CROCC2: variants seen among roughly 807,000 people sequenced by gnomAD.
The protein encoded by CROCC2 is ciliary rootlet coiled-coil protein 2.
A neutral mutation model predicts 177.6 loss-of-function variants in CROCC2; 163 were observed. The ratio of observed to expected loss-of-function variants is 0.92; its 90% confidence interval spans 0.81 to 1.05. The LOEUF is 1.05. CROCC2 is among the 50% of genes least tolerant of loss of function. The pLI, the probability that CROCC2 is intolerant of heterozygous loss-of-function variation, is 0.00. For missense variants in CROCC2, 1,929 were observed against 1,797.8 expected, an observed-to-expected ratio of 1.07 and a Z score of -1.32; for synonymous variants, 904 against 787.3, an observed-to-expected ratio of 1.15 and a Z score of -2.48.
Position 240,932,370 on chromosome 2 carries a change from A to G in CROCC2, c.1000A>G (p.Lys334Glu), listed in dbSNP as rs563073878. ...GAAGCTTACAGAGCAGAATGAGCAG[A>G]AGGCGAAGACCATCGCTGCCCTCAG... is the stretch of plus-strand genomic sequence containing the variant. ...VEKLTEQNEQ[K>E]AKTIAALRTD... The change falls in exon 8 of 32, where the codon AAG becomes GAG. Residue 334 changes from lysine (K) to glutamate (E), a missense_variant. Coordinates refer to ENST00000690015, the MANE Select transcript of CROCC2 (RefSeq NM_001351305.2). 8.9e-5 allele frequency: 64 copies of G among 717,476 alleles called. 1 individual carries two copies. The South Asian group carries it at 9.2e-4, about 10-fold the overall frequency. The allele number at this position is 717,476 out of a possible 1,614,324, so 44.4% of individuals were successfully genotyped here. A position where few individuals can be genotyped will look rare whatever the true frequency, so the allele number is the denominator to read the frequency against.
At chr2:240,907,361 C>A (rs4588186) in intron 1 of CROCC2, among the ~76,000 whole-genome samples, 2 of 151,868 alleles carry the variant, frequency 1.3e-5, no homozygotes, top group Admixed American at 6.6e-5. Context: ...CTCGGATATC[C>A]CTCCTCCCTG....
rs2059810761 is a variant in CROCC2 at position 240,982,900 on chromosome 2, C to T, written c.4422C>T (p.Arg1474=). The T allele has an allele frequency of 1.9e-6, 3 of 1,549,494 alleles. No individual in the cohort carries two copies. In the Middle Eastern group the frequency reaches 5.2e-4, roughly 267 times the overall value. ...CCCAGGAGCAACTGGAAACGCTGCG[C>T]CAGGCTCTTGAAGAGAGCAGGAGGC... ...RRLQEQLETL[R]QALEESRRHS... is the part of the protein sequence containing the mutation. Residue 1474 remains arginine, a synonymous_variant, in exon 28 of 32, where the codon CGC becomes CGT. Transcript: ENST00000690015. This position sits in a 1 kb window ranked among gnomAD's most constrained non-coding sequence, Gnocchi z 4.7.
rs1574777369 is a variant in CROCC2 at position 240,958,819 on chromosome 2, T to C, written c.2944-482T>C. Among the ~76,000 whole-genome samples the C allele has an allele frequency of 6.6e-6, 1 of 151,662 alleles. No homozygotes were observed. The highest frequency in any genetic ancestry group is 1.5e-5 in the Non-Finnish European group (1 of 67,824). ...GGCCTGGGGCTTGGGGTGAAGAAGG[T>C]GGTATTTGTCCATGAACAAGGGGCC... On this transcript the variant is annotated intron_variant, in intron 19 of 31. Coordinates refer to ENST00000690015, the MANE Select transcript of CROCC2 (RefSeq NM_001351305.2). This position sits in a 1 kb window ranked among gnomAD's most constrained non-coding sequence, Gnocchi z 6.7.
At chr2:240,934,505 C>T in intron 12 of CROCC2, 30 bp downstream of exon 12, 1 of 1,535,458 alleles carries the variant, frequency 6.5e-7, no homozygotes, top group South Asian at 1.2e-5. Context: ...ACCCCGCCCC[C>T]TCTCCTGTCT....
At chr2:240,907,077 G>A (rs2059259861) in intron 1 of CROCC2, among the ~76,000 whole-genome samples, 1 of 152,190 alleles carries the variant, frequency 6.6e-6, no homozygotes, top group South Asian at 2.1e-4. Flanking sequence ...TGGGCAGGCA[G>A]CCCTTGGTGC....
Position 240,958,489 on chromosome 2 carries a change from C to T in CROCC2, c.2944-812C>T, listed in dbSNP as rs769909770. The T allele has an allele frequency of 3.9e-5, 33 of 841,638 alleles. No homozygotes were observed. The highest frequency in any genetic ancestry group is 4.6e-5 in the Non-Finnish European group (32 of 698,306). 52.1% of individuals were successfully genotyped at this position (841,638 alleles called of 1,614,324 possible). ...GAATCCAGGTGGACAGGAGGGGCTC[C>T]AGAGATCTGGCACAGGGGCAGCCAT... On this transcript the variant is annotated intron_variant, in intron 19 of 31. Coordinates refer to ENST00000690015, the MANE Select transcript of CROCC2 (RefSeq NM_001351305.2). This position sits in a 1 kb window ranked among gnomAD's most constrained non-coding sequence, Gnocchi z 6.7.
At chr2:240,925,607 G>C in intron 4 of CROCC2, 117 bp from the exon 5 acceptor site, 1 of 612,654 alleles carries the variant, frequency 1.6e-6, no homozygotes, top group Admixed American at 3.0e-5. Flanking sequence ...CTGAGCCCAG[G>C]TCAGTTAGGC....
intron 15 of CROCC2, among the ~76,000 whole-genome samples, chr2:240,947,771 C>T (rs1378387175): frequency 6.6e-6 from 1 of 152,178 alleles, no homozygotes; most frequent in African/African-American, 2.4e-5. Flanking sequence ...TGCTCCCTCC[C>T]TTCATGGAGT....
rs545363847 is a variant in CROCC2 at position 240,958,846 on chromosome 2, T to C, written c.2944-455T>C. On this transcript the variant is annotated intron_variant, in intron 19 of 31. Coordinates refer to ENST00000690015, the MANE Select transcript of CROCC2 (RefSeq NM_001351305.2). This position sits in a 1 kb window ranked among gnomAD's most constrained non-coding sequence, Gnocchi z 6.7. ...GTATTTGTCCATGAACAAGGGGCCATGGGCTGAGCCTGGGGCCTCCTGGCC... is the reference window on the plus strand; with the variant it reads ...GTATTTGTCCATGAACAAGGGGCCACGGGCTGAGCCTGGGGCCTCCTGGCC... Among the ~76,000 whole-genome samples the C allele has an allele frequency of 5.3e-5, 8 of 152,278 alleles. 1 individual carries two copies. In the South Asian group the frequency reaches 1.2e-3, roughly 24 times the overall value.
chr2:240,990,526 A>G lies in CROCC2; in HGVS notation c.4864-670A>G, dbSNP rs145034959. ...CCAACCACCAAGGCACTTTTGCTAA[A>G]TTTATTAGCAAAAGGACATTTATTT... On this transcript the variant is annotated intron_variant, in intron 30 of 31. Coordinates refer to ENST00000690015, the MANE Select transcript of CROCC2 (RefSeq NM_001351305.2). 1.5e-4 allele frequency among the ~76,000 whole-genome samples: 23 copies of G among 152,294 alleles called. No individual in the cohort carries two copies. The East Asian group carries it at 4.2e-3, about 28-fold the overall frequency.
chr2:240,911,152 T>A (rs1242761043), intron 1 of CROCC2, among the ~76,000 whole-genome samples: 1 of 152,146 alleles, frequency 6.6e-6, no homozygotes, highest in African/African-American at 2.4e-5. Flanking sequence ...AATAAATTTT[T>A]AAAAAAATTT....
intron 1 of CROCC2, among the ~76,000 whole-genome samples, chr2:240,910,959 C>T (rs1294501202): frequency 7.9e-5 from 12 of 151,988 alleles, no homozygotes; most frequent in East Asian, 3.9e-4. Context: ...GGTGAAACCC[C>T]GTCTCTACTG....
At position 240,935,276 on chromosome 2, in the gene CROCC2, C is replaced by T. The variant is rs569653297; in HGVS notation, c.1939-82C>T. Reference sequence around the variant, plus strand: ...GCCTGAGGGAGGGAAGACAGTGCCCCGGGGCAGGCCTTGGGGATGGCTGGC... The same window carrying T: ...GCCTGAGGGAGGGAAGACAGTGCCCTGGGGCAGGCCTTGGGGATGGCTGGC... On this transcript the variant is annotated intron_variant, in intron 13 of 31. Transcript: ENST00000690015. The T allele has an allele frequency of 5.3e-5, 68 of 1,273,892 alleles. 1 individual carries two copies. Among genetic ancestry groups the T allele is most frequent in the South Asian group, 1.6e-4 (6 of 38,552 alleles). The allele number at this position is 1,273,892 out of a possible 1,614,324, so 78.9% of individuals were successfully genotyped here.
chr2:240,958,668 CT>C lies in CROCC2; in HGVS notation c.2944-631del. Reference sequence around the variant, plus strand: ...GCCTGAGCAGGGCAGGGCTCGGACCCTTCATGTTGAGGACACTGAGGCCCAG... The same window carrying C: ...GCCTGAGCAGGGCAGGGCTCGGACCCTCATGTTGAGGACACTGAGGCCCAG... On this transcript the variant is annotated intron_variant, in intron 19 of 31. Transcript: ENST00000690015. This position sits in a 1 kb window ranked among gnomAD's most constrained non-coding sequence, Gnocchi z 6.7. 1.2e-6 allele frequency: 1 copy of C among 867,012 alleles called. No individual in the cohort carries two copies. The highest frequency in any genetic ancestry group is 5.3e-5 in the South Asian group (1 of 18,998). 53.7% of individuals were successfully genotyped at this position (867,012 alleles called of 1,614,324 possible).
chr2:240,965,894 G>A lies in CROCC2; in HGVS notation c.3862G>A (p.Ala1288Thr), dbSNP rs1218164270. 7 of 1,432,928 alleles carry A rather than the reference G, an allele frequency of 4.9e-6. No individual in the cohort carries two copies. Among genetic ancestry groups the A allele is most frequent in the Non-Finnish European group, 6.4e-6 (7 of 1,092,166 alleles). The allele number at this position is 1,432,928 out of a possible 1,614,324, so 88.8% of individuals were successfully genotyped here. A position where few individuals can be genotyped will look rare whatever the true frequency, so the allele number is the denominator to read the frequency against. The change falls in exon 24 of 32, where the codon GCC becomes ACC. Residue 1288 changes from alanine to threonine, a missense_variant. By Grantham distance (58) the Ala-to-Thr change is moderately conservative. This residue lies in a region of CROCC2 where 144 missense variants were observed against 205.2 expected (regional missense o/e 0.70). Coordinates refer to ENST00000690015, the MANE Select transcript of CROCC2 (RefSeq NM_001351305.2). The part of the protein sequence containing the change: ...QAEGARQDAE[A>T]QLGRLCSTLR... ...TGAGGGTGCAAGGCAGGATGCGGAGGCCCAGCTGGGCCGGCTGTGCTCCAC... is the reference window on the plus strand; with the variant it reads ...TGAGGGTGCAAGGCAGGATGCGGAGACCCAGCTGGGCCGGCTGTGCTCCAC...
Position 240,993,126 on chromosome 2 carries a change from G to A in CROCC2, c.*45G>A, listed in dbSNP as rs756023169. On this transcript the variant is annotated 3_prime_UTR_variant, in exon 32 of 32. Transcript: ENST00000690015. ...GCGCCCAGCGTGGCTGCAGAGGAAG[G>A]GAACGCACCGCAGGTGGGAGGGGCC... is the stretch of plus-strand genomic sequence containing the variant. The A allele has an allele frequency of 8.4e-5, 60 of 714,508 alleles. No homozygotes were observed. Among genetic ancestry groups the A allele is most frequent in the Admixed American group, 4.6e-4 (23 of 49,820 alleles). The allele number at this position is 714,508 out of a possible 1,614,324, so 44.3% of individuals were successfully genotyped here. A position where few individuals can be genotyped will look rare whatever the true frequency, so the allele number is the denominator to read the frequency against.
chr2:240,917,033 C>T lies in CROCC2; in HGVS notation c.79-1693C>T, dbSNP rs980055909. Among the ~76,000 whole-genome samples the T allele has an allele frequency of 6.6e-6, 1 of 152,156 alleles. No homozygotes were observed. The highest frequency in any genetic ancestry group is 1.5e-5 in the Non-Finnish European group (1 of 68,008). On this transcript the variant is annotated intron_variant, in intron 1 of 31. Coordinates refer to ENST00000690015, the MANE Select transcript of CROCC2 (RefSeq NM_001351305.2). This position sits in a 1 kb window ranked among gnomAD's most constrained non-coding sequence, Gnocchi z 4.9. ...CCCCCTCCCCCACTGGGCTGCTGCT[C>T]CCAAGGGGGGCCCATTACTCCCTCC... is the stretch of plus-strand genomic sequence containing the variant.
chr2:240,954,907 G>C (rs576658828), intron 18 of CROCC2: 3 of 152,184 alleles, frequency 2.0e-5, no homozygotes, highest in Non-Finnish European at 1.5e-5. Flanking sequence ...GGGTTTAGAA[G>C]CTTCCTCCGA....
At chr2:240,965,282 G>T in intron 22 of CROCC2, 99 bp from the exon 23 acceptor site, 1 of 1,490,488 alleles carries the variant, frequency 6.7e-7, no homozygotes, top group Admixed American at 2.1e-5. Context: ...GTGGCCAGCT[G>T]CCCTCAAGGG....
Sources: gnomAD v4.1 joint callset for allele counts (sites outside exome capture counted in the v4.1 genomes callset) on GRCh38, gnomAD v4.1.1 for gene constraint, gnomAD v4.1.1 regional missense constraint, Gnocchi (gnomAD v3.1) non-coding constraint, MANE v1.5 for transcripts, NCBI Gene and HGNC (gene_info 2026-07-23, HGNC 2026-07-21) for gene names.